CCDC141: variants seen among roughly 807,000 people sequenced by gnomAD.
The protein encoded by CCDC141 is coiled-coil domain-containing protein 141.
A neutral mutation model predicts 181.0 loss-of-function variants in CCDC141; 168 were observed. The observed-to-expected ratio is 0.93, with a 90% CI of 0.82 to 1.05. CCDC141 has a LOEUF of 1.05. CCDC141 is among the 50% of genes least tolerant of loss of function. CCDC141 has a pLI of 0.00. For synonymous variants in CCDC141, 666 were observed against 642.3 expected (o/e 1.04, Z -0.56); for missense variants, 1,902 against 1,788.5 (o/e 1.06, Z -1.14).
chr2:178,946,296 AAC>A (rs950149104), intron 5 of CCDC141, among the ~76,000 whole-genome samples: 5 of 152,146 alleles, frequency 3.3e-5, no homozygotes, highest in African/African-American at 1.2e-4. Context: ...TGCCTATGAA[AAC>A]ACAGAGAATA....
chr2:179,029,577 A>G (rs2042948643), intron 2 of CCDC141, among the ~76,000 whole-genome samples: 1 of 152,082 alleles, frequency 6.6e-6, no homozygotes, highest in Non-Finnish European at 1.5e-5. Context: ...TTGTGTACCA[A>G]CTCTGAGCTG....
In CCDC141 at chr2:178,888,569, C is replaced by G; in HGVS notation, c.1365G>C (p.Lys455Asn). The change falls in exon 9 of 24, where the codon AAG becomes AAC. Residue 455 changes from lysine (K) to asparagine (N), a missense_variant. Physicochemically the swap from Lys to Asn is moderately conservative, Grantham distance 94 (BLOSUM62 0). Coordinates refer to ENST00000443758, the MANE Select transcript of CCDC141 (RefSeq NM_173648.4). ...QCSAHKEYAL[K>N]KQQLTASVEG... ...CCACTGAGGCTGTTAGTTGTTGTTT[C>G]TTAAGAGCATATTCCTTGTGCGCTG... The G allele has an allele frequency of 6.4e-7, 1 of 1,550,474 alleles. No homozygotes were observed. The highest frequency in any genetic ancestry group is 1.2e-5 in the South Asian group (1 of 84,060).
chr2:178,904,307 T>C (rs189901230), intron 8 of CCDC141, among the ~76,000 whole-genome samples: 3 of 152,340 alleles, frequency 2.0e-5, no homozygotes, highest in Admixed American at 2.0e-4. Context: ...TAGTTGTGCA[T>C]GTAGCACAAG....
intron 8 of CCDC141, among the ~76,000 whole-genome samples, chr2:178,895,635 C>T (rs1376442250): frequency 6.6e-6 from 1 of 152,128 alleles, no homozygotes; most frequent in African/African-American, 2.4e-5. Context: ...GACATTTACC[C>T]AGCCTCTAAA....
chr2:178,861,179 T>C (rs987733794), intron 17 of CCDC141, among the ~76,000 whole-genome samples: 9 of 152,012 alleles, frequency 5.9e-5, no homozygotes, highest in Admixed American at 5.2e-4. Context: ...TTTTTTTTTT[T>C]TCTTTTCAAT....
chr2:178,864,001 T>C (rs545150206), intron 17 of CCDC141, among the ~76,000 whole-genome samples: 15 of 152,158 alleles, frequency 9.9e-5, no homozygotes, highest in Admixed American at 9.2e-4. Context: ...TCCCTATAAA[T>C]AGAATTCCTG....
intron 2 of CCDC141, among the ~76,000 whole-genome samples, chr2:179,005,633 T>TTTTCC (rs1208301036): frequency 6.6e-6 from 1 of 151,788 alleles, no homozygotes; most frequent in Non-Finnish European, 1.5e-5. Flanking sequence ...TCTTTCTTTC[T>TTTTCC]TTTCTTTTCT....
chr2:178,978,751 G>A, intron 2 of CCDC141, 76 bp from the exon 3 acceptor site: 3 of 1,130,344 alleles, frequency 2.7e-6, no homozygotes, highest in South Asian at 1.9e-5. Context: ...TTAAACACTT[G>A]GATAGTAGAA....
intron 17 of CCDC141, among the ~76,000 whole-genome samples, chr2:178,859,653 C>T (rs1031942788): frequency 2.6e-5 from 4 of 152,164 alleles, no homozygotes; most frequent in Admixed American, 6.5e-5. Flanking sequence ...CATCTTTTCA[C>T]ATGTTCAGCT....
chr2:179,004,962 C>T (rs573025708), intron 2 of CCDC141, among the ~76,000 whole-genome samples: 141 of 152,218 alleles, frequency 9.3e-4, no homozygotes, highest in African/African-American at 3.3e-3. Flanking sequence ...GAACTCCTGA[C>T]CTCAGGTTAT....
At position 178,865,633 on chromosome 2, in the gene CCDC141, G is replaced by A. The variant is rs554646051; in HGVS notation, c.2724+134C>T. 1.7e-5 allele frequency: 15 copies of A among 864,220 alleles called. No individual in the cohort carries two copies. The African/African-American group carries it at 2.4e-4, about 14-fold the overall frequency. 53.5% of individuals were successfully genotyped at this position (864,220 alleles called of 1,614,324 possible). On this transcript the variant is annotated intron_variant, in intron 17 of 23. Coordinates refer to ENST00000443758, the MANE Select transcript of CCDC141 (RefSeq NM_173648.4). ...GCTCAGTGGATTAAAAGAAATAAGT[G>A]AGAAGAAAGTCTCCTGATTCATTGT...
At chr2:178,911,121 G>A (rs1360919677) in intron 7 of CCDC141, among the ~76,000 whole-genome samples, 3 of 152,184 alleles carry the variant, frequency 2.0e-5, no homozygotes, top group Admixed American at 6.5e-5. Context: ...TTTATAATGT[G>A]TAAAGCACTT....
intron 20 of CCDC141, among the ~76,000 whole-genome samples, chr2:178,850,524 T>C (rs1336536758): frequency 1.3e-5 from 2 of 152,148 alleles, no homozygotes; most frequent in Non-Finnish European, 2.9e-5. Context: ...ATAACATGGC[T>C]TCAATCTGCC....
At chr2:178,989,610 AAAT>A (rs1559032018) in intron 2 of CCDC141, among the ~76,000 whole-genome samples, 178 of 131,204 alleles carry the variant, frequency 1.4e-3, no homozygotes, top group East Asian at 8.5e-3. Context: ...AAAAAAAAAT[AAAT>A]AAATAAATAA....
chr2:178,938,070 C>T (rs904296531), intron 6 of CCDC141, among the ~76,000 whole-genome samples: 3 of 151,942 alleles, frequency 2.0e-5, no homozygotes, highest in African/African-American at 7.3e-5. Flanking sequence ...TTCAGTTTAG[C>T]TCTGATTTGG....
intron 3 of CCDC141, among the ~76,000 whole-genome samples, chr2:178,975,582 A>G (rs1691083536): frequency 6.6e-6 from 1 of 152,210 alleles, no homozygotes; most frequent in Non-Finnish European, 1.5e-5. Flanking sequence ...ACTAAAAAGC[A>G]GTCTATACAT....
intron 2 of CCDC141, among the ~76,000 whole-genome samples, chr2:179,046,487 T>C (rs1326829728): frequency 6.6e-6 from 1 of 152,228 alleles, no homozygotes. Flanking sequence ...GCTGGAGCTG[T>C]GGCCAAGGTG....
chr2:178,892,776 G>T (rs1479928413), intron 8 of CCDC141, among the ~76,000 whole-genome samples: 1 of 152,148 alleles, frequency 6.6e-6, no homozygotes, highest in Non-Finnish European at 1.5e-5. Flanking sequence ...TCCCAGAAAT[G>T]AGTCCTATTA....
At chr2:178,853,042 T>C (rs1685231555) in intron 20 of CCDC141, among the ~76,000 whole-genome samples, 1 of 152,244 alleles carries the variant, frequency 6.6e-6, no homozygotes, top group African/African-American at 2.4e-5. Flanking sequence ...GTCTTAGCTT[T>C]ATGTCTTCTT....
Sources: gnomAD v4.1 joint callset for allele counts (sites outside exome capture counted in the v4.1 genomes callset) on GRCh38, gnomAD v4.1.1 for gene constraint, MANE v1.5 for transcripts, NCBI Gene and HGNC (gene_info 2026-07-23, HGNC 2026-07-21) for gene names.